PHC3: variants seen among roughly 807,000 people sequenced by gnomAD.
The protein encoded by PHC3 is polyhomeotic-like protein 3.
PHC3 carries 13 observed loss-of-function variants against 107.4 expected under a neutral mutation model. That is an observed-to-expected ratio of 0.12 (90% CI 0.08 to 0.19). PHC3 has a LOEUF of 0.19. PHC3 is among the 10% of genes least tolerant of loss of function. The probability of loss-of-function intolerance (pLI) is 1.00; values close to 1 mark genes in which losing one functional copy is unlikely to be tolerated. For missense variants in PHC3, 992 were observed against 1,210.9 expected (o/e 0.82, Z 2.68); for synonymous variants, 456 against 427.4 (o/e 1.07, Z -0.83).
At chr3:170,110,400 AC>A (rs1717404220) in intron 11 of PHC3, among the ~76,000 whole-genome samples, 1 of 152,132 alleles carries the variant, frequency 6.6e-6, no homozygotes, top group Non-Finnish European at 1.5e-5. Context: ...GTTACCTAGC[AC>A]TTACACATTC....
At chr3:170,114,198 G>A (rs1042166519) in intron 10 of PHC3, among the ~76,000 whole-genome samples, 2 of 151,946 alleles carry the variant, frequency 1.3e-5, no homozygotes, top group African/African-American at 4.8e-5. Context: ...TAGTAGAGAC[G>A]GGGTTTCTCC....
intron 14 of PHC3, among the ~76,000 whole-genome samples, chr3:170,101,105 A>C (rs1188909455): frequency 3.3e-5 from 5 of 152,230 alleles, no homozygotes; most frequent in African/African-American, 1.2e-4. Context: ...CTGTCTTCTA[A>C]ATACACCCAG....
chr3:170,102,147 A>T, intron 14 of PHC3: 1 of 985,092 alleles, frequency 1.0e-6, no homozygotes, highest in Non-Finnish European at 1.2e-6. Context: ...AGCAGAAAGG[A>T]AGAAGTGTCT....
In PHC3 at chr3:170,129,206, A is replaced by C; in HGVS notation, c.1266T>G (p.Pro422=). 3 of 1,613,934 alleles carry C rather than the reference A, an allele frequency of 1.9e-6. No individual in the cohort carries two copies. The highest frequency in any genetic ancestry group is 2.5e-6 in the Non-Finnish European group (3 of 1,179,844). ...GTGCTTGTGGATGAATAATTATAGTAGGAGACTGACTTGGTGAATGAGGTG... is the reference window on the plus strand; with the variant it reads ...GTGCTTGTGGATGAATAATTATAGTCGGAGACTGACTTGGTGAATGAGGTG... ...PPPPHSPSQS[P]TIIIHPQALI... The change falls in exon 8 of 15, where the codon CCT becomes CCG. Residue 422 remains proline, a synonymous_variant. Transcript: ENST00000495893.
At chr3:170,169,732 A>G (rs1318284233) in intron 4 of PHC3, 1 of 152,250 alleles carries the variant, frequency 6.6e-6, no homozygotes, top group African/African-American at 2.4e-5. Context: ...GTTTAAAAAG[A>G]TACCTTTTAA....
chr3:170,172,831 C>A, intron 2 of PHC3, 119 bp from the exon 3 acceptor site: 3 of 1,017,380 alleles, frequency 2.9e-6, no homozygotes, highest in South Asian at 1.7e-5. Context: ...ATAATATCAT[C>A]AAGCTTATTA....
At chr3:170,173,921 G>A (rs1191596436) in intron 2 of PHC3, among the ~76,000 whole-genome samples, 1 of 152,170 alleles carries the variant, frequency 6.6e-6, no homozygotes, top group Non-Finnish European at 1.5e-5. Flanking sequence ...AGCTGGGCAG[G>A]TTGGCTCATG....
chr3:170,111,319 AAC>A lies in PHC3; in HGVS notation c.2353+2039_2353+2040del, dbSNP rs1717665354. On this transcript the variant is annotated intron_variant, in intron 11 of 14. Coordinates refer to ENST00000495893, the MANE Select transcript of PHC3 (RefSeq NM_024947.4). ...GAAGGAAGGAAGGAAGGAAGGAAGG[AAC>A]GAACGAACGAAAGAACAAAAGAACG... Among the ~76,000 whole-genome samples, 2 of 110,192 alleles carry A rather than the reference AAC, an allele frequency of 1.8e-5. 1 individual carries two copies. Among genetic ancestry groups the A allele is most frequent in the African/African-American group, 6.2e-5 (2 of 32,402 alleles). The allele number at this position is 110,192 out of a possible 152,430, so 72.3% of individuals were successfully genotyped here. A position where few individuals can be genotyped will look rare whatever the true frequency, so the allele number is the denominator to read the frequency against.
chr3:170,178,688 T>C (rs1362065921), intron 2 of PHC3, 85 bp downstream of exon 2: 3 of 1,414,350 alleles, frequency 2.1e-6, no homozygotes, highest in African/African-American at 2.8e-5. Flanking sequence ...CATTTGAGAA[T>C]ATGAAACAAT....
intron 7 of PHC3, among the ~76,000 whole-genome samples, chr3:170,133,727 C>T (rs1383694446): frequency 6.6e-6 from 1 of 152,078 alleles, no homozygotes; most frequent in Non-Finnish European, 1.5e-5. Context: ...CTGGTTTCCT[C>T]CATACTTACA....
intron 11 of PHC3, among the ~76,000 whole-genome samples, chr3:170,111,230 A>G (rs184427649): frequency 2.7e-4 from 41 of 151,902 alleles, no homozygotes; most frequent in African/African-American, 9.9e-4. Context: ...TGACGTATGT[A>G]CCGGTGACTA....
intron 8 of PHC3, 135 bp downstream of exon 8, chr3:170,128,549 C>T (rs1721723068): frequency 8.1e-7 from 1 of 1,235,384 alleles, no homozygotes; most frequent in South Asian, 1.6e-5. Context: ...GCATGTTTGT[C>T]AGAATACTGA....
rs1469051374 is a variant in PHC3, at chr3:170,093,778, T to A, written c.*3452A>T. ...TAATTTTATACTTGATACATGAAGA[T>A]AAGCTACGTCAAAAATTATTCAAAG... On this transcript the variant is annotated 3_prime_UTR_variant, in exon 15 of 15. Coordinates refer to ENST00000495893, the MANE Select transcript of PHC3 (RefSeq NM_024947.4). 1.3e-5 allele frequency: 2 copies of A among 152,224 alleles called. No homozygotes were observed. The highest frequency in any genetic ancestry group is 2.4e-5 in the African/African-American group (1 of 41,460). The allele number at this position is 152,224 out of a possible 1,614,324, so 9.4% of individuals were successfully genotyped here.
chr3:170,117,565 C>T, intron 9 of PHC3, 89 bp from the exon 10 acceptor site: 1 of 1,284,728 alleles, frequency 7.8e-7, no homozygotes, highest in Non-Finnish European at 1.1e-6. Flanking sequence ...ATAATAACAA[C>T]AGTTAATATC....
At chr3:170,134,213 G>A (rs1043012032) in intron 7 of PHC3, among the ~76,000 whole-genome samples, 5 of 151,718 alleles carry the variant, frequency 3.3e-5, no homozygotes, top group Admixed American at 6.6e-5. Context: ...TTTTTGAGAC[G>A]GAGTCTTGCT....
At position 170,093,989 on chromosome 3, in the gene PHC3, CTCT is replaced by C. The variant is rs1714381681; in HGVS notation, c.*3238_*3240del. ...AGCTAACAAGGATGATGGCCTCCTC[CTCT>C]GACTCTTCCCATGCTCAAGCTTTTG... On this transcript the variant is annotated 3_prime_UTR_variant, in exon 15 of 15. Transcript: ENST00000495893. The C allele has an allele frequency of 6.6e-6, 1 of 152,190 alleles. No individual in the cohort carries two copies. The highest frequency in any genetic ancestry group is 6.6e-5 in the Admixed American group (1 of 15,266). The allele number at this position is 152,190 out of a possible 1,614,324, so 9.4% of individuals were successfully genotyped here. A position where few individuals can be genotyped will look rare whatever the true frequency, so the allele number is the denominator to read the frequency against.
At chr3:170,163,354 GA>G (rs968475590) in intron 4 of PHC3, among the ~76,000 whole-genome samples, 1 of 152,108 alleles carries the variant, frequency 6.6e-6, no homozygotes, top group Non-Finnish European at 1.5e-5. Flanking sequence ...ATGCAACAAG[GA>G]AAGAGAATGA....
chr3:170,113,967 TTC>T (rs1290293608), intron 10 of PHC3, among the ~76,000 whole-genome samples: 1 of 152,152 alleles, frequency 6.6e-6, no homozygotes, highest in Non-Finnish European at 1.5e-5. Context: ...AATTAAGCAA[TTC>T]TCTCTCAAGT....
At chr3:170,164,560 G>A (rs2108696951) in intron 4 of PHC3, among the ~76,000 whole-genome samples, 1 of 151,998 alleles carries the variant, frequency 6.6e-6, no homozygotes, top group African/African-American at 2.4e-5. Flanking sequence ...CTCCTGCCAA[G>A]AACAACTAAA....
Sources: gnomAD v4.1 joint callset for allele counts (sites outside exome capture counted in the v4.1 genomes callset) on GRCh38, gnomAD v4.1.1 for gene constraint, MANE v1.5 for transcripts, NCBI Gene and HGNC (gene_info 2026-07-23, HGNC 2026-07-21) for gene names.